ZNF131: variants seen among roughly 807,000 people sequenced by gnomAD.
ZNF131 encodes the protein zinc finger and BTB domain containing 35.
A neutral mutation model predicts 60.0 loss-of-function variants in ZNF131; 7 were observed. That is an observed-to-expected ratio of 0.12 (90% CI 0.07 to 0.22). The LOEUF (loss-of-function observed/expected upper bound fraction) is 0.22. Among genes scored for constraint, ZNF131 ranks in the 10% least tolerant of loss-of-function variants. The pLI is 1.00. For synonymous variants in ZNF131, 257 were observed against 253.2 expected (o/e 1.01, Z -0.14); for missense variants, 493 against 740.9 (o/e 0.67, Z 3.88).
At chr5:43,139,461 A>G (rs1746533092) in intron 4 of ZNF131, 152 bp downstream of exon 4, 2 of 749,452 alleles carry the variant, frequency 2.7e-6, no homozygotes, top group Non-Finnish European at 1.9e-6. Context: ...TTTTCTGGAT[A>G]CTGATTGTTC....
At chr5:43,165,992 A>G (rs996860697) in intron 5 of ZNF131, among the ~76,000 whole-genome samples, 1 of 152,220 alleles carries the variant, frequency 6.6e-6, no homozygotes, top group Non-Finnish European at 1.5e-5. Flanking sequence ...GAAATTCCTT[A>G]AATTTCATTA....
chr5:43,170,368 T>C (rs1455652628), intron 5 of ZNF131, among the ~76,000 whole-genome samples: 1 of 152,214 alleles, frequency 6.6e-6, no homozygotes, highest in Non-Finnish European at 1.5e-5. Context: ...AGCGTGAGGC[T>C]CACATCTAGG....
Position 43,175,152 on chromosome 5 carries a change from T to A in ZNF131, c.*19T>A, listed in dbSNP as rs760655998. 6.3e-7 allele frequency: 1 copy of A among 1,578,014 alleles called. No homozygotes were observed. ...AGAATGAAATTACACATGAATATAT[T>A]TTTAAATTTACTTGTTGGGTTTTTG... On this transcript the variant is annotated 3_prime_UTR_variant, in exon 7 of 7. Transcript: ENST00000682664.
intron 3 of ZNF131, among the ~76,000 whole-genome samples, chr5:43,135,343 TAGG>T (rs899173259): frequency 1.1e-3 from 164 of 152,134 alleles, no homozygotes; most frequent in Non-Finnish European, 4.1e-4. Flanking sequence ...GAAAGGAAAT[TAGG>T]AGAACAATCC....
intron 4 of ZNF131, among the ~76,000 whole-genome samples, chr5:43,141,135 A>G (rs1201208016): frequency 2.0e-5 from 3 of 152,202 alleles, no homozygotes; most frequent in Non-Finnish European, 4.4e-5. Flanking sequence ...CTTTCTGACA[A>G]GAGCTTGATA....
At chr5:43,159,382 CCTTT>C in intron 4 of ZNF131, among the ~76,000 whole-genome samples, 1 of 152,098 alleles carries the variant, frequency 6.6e-6, no homozygotes, top group Middle Eastern at 3.4e-3. Flanking sequence ...TTGTGAGAAT[CCTTT>C]CTTCACTCTA....
intron 5 of ZNF131, among the ~76,000 whole-genome samples, chr5:43,166,664 C>A (rs1225532790): frequency 6.8e-6 from 1 of 146,204 alleles, no homozygotes; most frequent in Non-Finnish European, 1.5e-5. Context: ...CAGCCGTGAC[C>A]CTTTTTTTTG....
chr5:43,151,650 G>A (rs1748328825), intron 4 of ZNF131, among the ~76,000 whole-genome samples: 1 of 152,058 alleles, frequency 6.6e-6, no homozygotes, highest in South Asian at 2.1e-4. Flanking sequence ...GGCCAGACGG[G>A]TCTCCAACTC....
At chr5:43,151,644 A>G (rs1748327458) in intron 4 of ZNF131, among the ~76,000 whole-genome samples, 1 of 152,136 alleles carries the variant, frequency 6.6e-6, no homozygotes, top group Non-Finnish European at 1.5e-5. Context: ...CATGTTGGCC[A>G]GACGGGTCTC....
At chr5:43,138,051 T>G (rs530941698) in intron 3 of ZNF131, among the ~76,000 whole-genome samples, 1 of 152,266 alleles carries the variant, frequency 6.6e-6, no homozygotes. Flanking sequence ...TCAAATAGAT[T>G]GAAAGAGTGG....
intron 3 of ZNF131, chr5:43,124,309 C>T (rs540985651): frequency 6.6e-6 from 1 of 152,212 alleles, no homozygotes; most frequent in African/African-American, 2.4e-5. Flanking sequence ...AAATGTTTGC[C>T]TACGTAATTA....
Position 43,162,317 on chromosome 5 carries a change from C to T in ZNF131, c.1054+386C>T, listed in dbSNP as rs535331531. ...TTACAAGCAATCCCTGACAGCCAGGCGCGGTGGCTCATGCCTGTAATCCCA... is the reference window on the plus strand; with the variant it reads ...TTACAAGCAATCCCTGACAGCCAGGTGCGGTGGCTCATGCCTGTAATCCCA... On this transcript the variant is annotated intron_variant, in intron 5 of 6. Coordinates refer to ENST00000682664, the MANE Select transcript of ZNF131 (RefSeq NM_001330707.2). Among the ~76,000 whole-genome samples, 25 of 152,270 alleles carry T rather than the reference C, an allele frequency of 1.6e-4. 1 individual carries two copies. In the South Asian group the frequency reaches 4.6e-3, roughly 28 times the overall value.
chr5:43,153,791 A>G (rs1748622157), intron 4 of ZNF131, among the ~76,000 whole-genome samples: 1 of 152,202 alleles, frequency 6.6e-6, no homozygotes, highest in African/African-American at 2.4e-5. Flanking sequence ...AAATTCAGTG[A>G]TCAAACTGCT....
intron 4 of ZNF131, among the ~76,000 whole-genome samples, chr5:43,146,631 G>T (rs1449114684): frequency 3.9e-5 from 6 of 152,010 alleles, no homozygotes; most frequent in Non-Finnish European, 8.8e-5. Context: ...TATGAGTCGG[G>T]CGCAGTGGTT....
intron 4 of ZNF131, among the ~76,000 whole-genome samples, chr5:43,142,838 C>A (rs1311658209): frequency 6.6e-6 from 1 of 151,832 alleles, no homozygotes; most frequent in Non-Finnish European, 1.5e-5. Flanking sequence ...ACCACAGATG[C>A]TTGCCACCAT....
chr5:43,129,385 C>G (rs1745007531), intron 3 of ZNF131, among the ~76,000 whole-genome samples: 1 of 151,682 alleles, frequency 6.6e-6, no homozygotes. Context: ...GGTACCAGTA[C>G]TTTATTTAGT....
Position 43,161,425 on chromosome 5 carries a change from G to T in ZNF131, c.548G>T (p.Gly183Val), listed in dbSNP as rs1328136195. The change falls in exon 5 of 7, where the codon GGC becomes GTC. Residue 183 changes from glycine to valine, a missense_variant. By Grantham distance (109) the Gly-to-Val change is moderately radical (BLOSUM62 -3). This residue lies in a region of ZNF131 where 138 missense variants were observed against 158.7 expected (regional missense o/e 0.87). Coordinates refer to ENST00000682664, the MANE Select transcript of ZNF131 (RefSeq NM_001330707.2). ...GGCACCATTGAAGTGGAAGATGAAG[G>T]CATCGAAACATTAGAGGAAGTGGCT... ...AEGTIEVEDE[G>V]IETLEEVASA... The T allele has an allele frequency of 5.0e-6, 8 of 1,614,230 alleles. No individual in the cohort carries two copies. Among genetic ancestry groups the T allele is most frequent in the Non-Finnish European group, 6.8e-6 (8 of 1,180,042 alleles).
At chr5:43,167,181 C>T (rs1228848866) in intron 5 of ZNF131, among the ~76,000 whole-genome samples, 1 of 152,142 alleles carries the variant, frequency 6.6e-6, no homozygotes, top group Non-Finnish European at 1.5e-5. Context: ...GAAGTAGTAA[C>T]ATCAAAGATC....
chr5:43,167,897 A>G (rs1356654602), intron 5 of ZNF131: 3 of 440,008 alleles, frequency 6.8e-6, no homozygotes, highest in African/African-American at 2.0e-5. Flanking sequence ...GAAACTGGAG[A>G]ATTTATAAAG....
Sources: allele counts gnomAD v4.1 joint callset (sites outside exome capture counted in the v4.1 genomes callset), GRCh38; gene constraint gnomAD v4.1.1; regional missense constraint gnomAD v4.1.1; transcripts MANE v1.5; gene names NCBI Gene and HGNC (gene_info 2026-07-23, HGNC 2026-07-21).